ZNF570: variants seen among roughly 807,000 people sequenced by gnomAD.
ZNF570 encodes zinc finger protein 570.
In ZNF570, 8 loss-of-function variants were observed where a neutral mutation model predicts 14.2. That is an observed-to-expected ratio of 0.56 (90% CI 0.33 to 1.02). The LOEUF (loss-of-function observed/expected upper bound fraction) is 1.02, where lower values mean the gene tolerates loss of function less well. ZNF570 is among the 50% of genes least tolerant of loss of function. The probability of loss-of-function intolerance (pLI) is 0.03; values close to 1 mark genes in which losing one functional copy is unlikely to be tolerated. For synonymous variants in ZNF570, 202 were observed against 207.6 expected, an observed-to-expected ratio of 0.97 and a Z score of 0.23; for missense variants, 559 against 624.9, an observed-to-expected ratio of 0.89 and a Z score of 1.12.
In ZNF570 at chr19:37,469,440, G is replaced by A; in HGVS notation, c.-169G>A. ...GAGTGCAGATTCCCCGAGCCTTCGG[G>A]GCAGGAAGGAGATCTTCCACCAGTT... On this transcript the variant is annotated 5_prime_UTR_variant, in exon 1 of 5. Transcript: ENST00000330173. 1 of 1,535,332 alleles carries A rather than the reference G, an allele frequency of 6.5e-7. No homozygotes were observed. Among genetic ancestry groups the A allele is most frequent in the Non-Finnish European group, 8.7e-7 (1 of 1,146,236 alleles).
intron 4 of ZNF570, among the ~76,000 whole-genome samples, chr19:37,480,540 C>T (rs974876041): frequency 3.4e-4 from 52 of 152,144 alleles, no homozygotes; most frequent in African/African-American, 1.2e-3. Flanking sequence ...ACTTCACTTA[C>T]CCTCATTTCA....
At position 37,484,802 on chromosome 19, in the gene ZNF570, GC is replaced by G; in HGVS notation, c.1182del (p.Phe395LeufsTer145). ...CTATGAATGTAAGGAATGTGGGAAG[GC>G]CTTTAGCCAGAATTCACACCTTGCT... ...RPYECKECGK[A>X]FSQNSHLAQH... On this transcript the variant is annotated frameshift_variant, in exon 5 of 5. Coordinates refer to ENST00000330173, the MANE Select transcript of ZNF570 (RefSeq NM_144694.5). LOFTEE classifies it low-confidence loss of function (END_TRUNC). 1 of 1,612,646 alleles carries G rather than the reference GC, an allele frequency of 6.2e-7. No individual in the cohort carries two copies. Among genetic ancestry groups the G allele is most frequent in the Non-Finnish European group, 8.5e-7 (1 of 1,179,646 alleles).
intron 4 of ZNF570, among the ~76,000 whole-genome samples, chr19:37,480,057 T>C (rs773254507): frequency 6.6e-6 from 1 of 152,218 alleles, no homozygotes; most frequent in Non-Finnish European, 1.5e-5. Flanking sequence ...TATTTCTTGG[T>C]TTTTCTCCAT....
upstream of ZNF570, chr19:37,468,071 G>GTTT (rs35295578): frequency 3.6e-3 from 2,097 of 585,826 alleles, 21 homozygotes; most frequent in Admixed American, 0.037. Flanking sequence ...TGCCTTTCGT[G>GTTT]TTTTTTTTTT....
Position 37,484,583 on chromosome 19 carries a change from CAG to C in ZNF570, c.966_967del (p.Arg322SerfsTer9), listed in dbSNP as rs1168509225. The C allele has an allele frequency of 6.2e-7, 1 of 1,614,046 alleles. No homozygotes were observed. The highest frequency in any genetic ancestry group is 1.3e-5 in the African/African-American group (1 of 74,930). On this transcript the variant is annotated frameshift_variant, in exon 5 of 5. Coordinates refer to ENST00000330173, the MANE Select transcript of ZNF570 (RefSeq NM_144694.5). LOFTEE classifies it low-confidence loss of function (END_TRUNC). Reference protein sequence around the residue: ...FSQFAYLAQHQRVHTGEKPYE... With the variant: ...FSQFAYLAQHXRVHTGEKPYE... ...CCAGTTTGCCTACCTTGCTCAACAT[CAG>C]AGAGTTCACACGGGAGAGAAACCCT...
chr19:37,469,426 C>T lies in ZNF570; in HGVS notation c.-183C>T. ...TAGCGGTGAGACCCGAGTGCAGATT[C>T]CCCGAGCCTTCGGGGCAGGAAGGAG... On this transcript the variant is annotated 5_prime_UTR_variant, in exon 1 of 5. Coordinates refer to ENST00000330173, the MANE Select transcript of ZNF570 (RefSeq NM_144694.5). 1 of 1,532,280 alleles carries T rather than the reference C, an allele frequency of 6.5e-7. No individual in the cohort carries two copies. Among genetic ancestry groups the T allele is most frequent in the Non-Finnish European group, 8.7e-7 (1 of 1,144,298 alleles). 94.9% of individuals were successfully genotyped at this position (1,532,280 alleles called of 1,614,324 possible). A position where few individuals can be genotyped will look rare whatever the true frequency, so the allele number is the denominator to read the frequency against.
upstream of ZNF570, chr19:37,469,304 G>A (rs2041911215): frequency 7.1e-7 from 1 of 1,418,104 alleles, no homozygotes; most frequent in African/African-American, 1.4e-5. Context: ...GACCCCGCGG[G>A]AGTTGGGCCG....
chr19:37,475,016 T>C (rs2042008043), intron 2 of ZNF570, among the ~76,000 whole-genome samples: 2 of 151,158 alleles, frequency 1.3e-5, no homozygotes, highest in South Asian at 4.2e-4. Flanking sequence ...CAGGCTGGAA[T>C]GCAGTGGCAC....
At chr19:37,481,870 T>C (rs942215270) in intron 4 of ZNF570, among the ~76,000 whole-genome samples, 1 of 152,222 alleles carries the variant, frequency 6.6e-6, no homozygotes, top group Non-Finnish European at 1.5e-5. Context: ...CTCTGAGAGT[T>C]TACCTTAATT....
chr19:37,469,658 G>A, intron 1 of ZNF570, 101 bp downstream of exon 1: 6 of 1,247,378 alleles, frequency 4.8e-6, no homozygotes, highest in Non-Finnish European at 6.7e-6. Flanking sequence ...GTGAGGCTGT[G>A]AGTTGAGGCG....
intron 1 of ZNF570, among the ~76,000 whole-genome samples, chr19:37,469,996 T>C (rs1245806120): frequency 6.6e-6 from 1 of 152,204 alleles, no homozygotes; most frequent in Non-Finnish European, 1.5e-5. Context: ...AGGAGGATTG[T>C]GGGGTCAGGT....
chr19:37,469,677 C>G (rs1600372191), intron 1 of ZNF570, 120 bp downstream of exon 1: 12 of 1,063,446 alleles, frequency 1.1e-5, no homozygotes, highest in Non-Finnish European at 1.6e-5. Context: ...CGGGAGCGGG[C>G]GACTGTTCGC....
chr19:37,469,313 C>G (rs895764216), upstream of ZNF570: 9 of 1,415,916 alleles, frequency 6.4e-6, no homozygotes, highest in East Asian at 2.6e-5. Flanking sequence ...GGAGTTGGGC[C>G]GGCGGCCCCT....
chr19:37,471,516 T>C (rs1339625748), intron 2 of ZNF570, among the ~76,000 whole-genome samples: 2 of 152,226 alleles, frequency 1.3e-5, no homozygotes, highest in African/African-American at 4.8e-5. Context: ...CTACACTTAC[T>C]ACCCTGGTGA....
Position 37,469,418 on chromosome 19 carries a change from T to G in ZNF570, c.-191T>G. The G allele has an allele frequency of 6.5e-7, 1 of 1,530,030 alleles. No individual in the cohort carries two copies. Among genetic ancestry groups the G allele is most frequent in the Admixed American group, 2.0e-5 (1 of 50,718 alleles). The allele number at this position is 1,530,030 out of a possible 1,614,324, so 94.8% of individuals were successfully genotyped here. ...ACTAAGGGTAGCGGTGAGACCCGAG[T>G]GCAGATTCCCCGAGCCTTCGGGGCA... On this transcript the variant is annotated 5_prime_UTR_variant, in exon 1 of 5. Coordinates refer to ENST00000330173, the MANE Select transcript of ZNF570 (RefSeq NM_144694.5).
chr19:37,469,714 G>C (rs2041922546), intron 1 of ZNF570, 157 bp downstream of exon 1: 4 of 752,906 alleles, frequency 5.3e-6, no homozygotes, highest in Non-Finnish European at 8.6e-6. Flanking sequence ...GATACCCGCG[G>C]CTTCTTTGTG....
At chr19:37,476,125 A>G in intron 3 of ZNF570, 118 bp downstream of exon 3, 1 of 1,431,166 alleles carries the variant, frequency 7.0e-7, no homozygotes. Context: ...GCCTATGCCA[A>G]ACAAATGGCT....
rs767838295 is a variant in ZNF570, at chr19:37,484,625, T to C, written c.1003T>C (p.Cys335Arg). The change falls in exon 5 of 5, where the codon TGT becomes CGT. Residue 335 changes from cysteine (C) to arginine (R), a missense_variant. Physicochemically the swap from Cys to Arg is radical, Grantham distance 180. Coordinates refer to ENST00000330173, the MANE Select transcript of ZNF570 (RefSeq NM_144694.5). ...TGEKPYECIE[C>R]GKAFSNRSSI... ...AGAGAAACCCTATGAATGTATCGAATGTGGGAAAGCATTTAGCAACAGATC... is the reference window on the plus strand; with the variant it reads ...AGAGAAACCCTATGAATGTATCGAACGTGGGAAAGCATTTAGCAACAGATC... 2.5e-6 allele frequency: 4 copies of C among 1,613,898 alleles called. No homozygotes were observed. Among genetic ancestry groups the C allele is most frequent in the Non-Finnish European group, 3.4e-6 (4 of 1,179,936 alleles).
At chr19:37,482,341 G>T (rs1198483263) in intron 4 of ZNF570, among the ~76,000 whole-genome samples, 2 of 152,298 alleles carry the variant, frequency 1.3e-5, no homozygotes, top group Admixed American at 6.5e-5. Context: ...AAGCATAGCG[G>T]CATCTTCCTC....
Sources: allele counts gnomAD v4.1 joint callset (sites outside exome capture counted in the v4.1 genomes callset), GRCh38; gene constraint gnomAD v4.1.1; transcripts MANE v1.5; gene names NCBI Gene and HGNC (gene_info 2026-07-23, HGNC 2026-07-21).